The following SYCP1 variants were observed in gnomAD, a reference collection of about 807,000 sequenced individuals.
The protein encoded by SYCP1 is cancer/testis antigen 8.
Under a neutral mutation model 153.1 loss-of-function variants are expected in SYCP1, and 64 were observed. That is an observed-to-expected ratio of 0.42 (90% CI 0.34 to 0.51). The LOEUF is 0.51. Ranked by LOEUF, SYCP1 falls within the 20% of genes least tolerant of loss-of-function variation. The probability of loss-of-function intolerance (pLI) is 0.06; values close to 1 mark genes in which losing one functional copy is unlikely to be tolerated. For synonymous variants in SYCP1, 384 were observed against 341.8 expected (o/e 1.12, Z -1.36); for missense variants, 997 against 1,049.0 (o/e 0.95, Z 0.68).
chr1:114,962,688 G>A (rs1671857099), intron 27 of SYCP1, among the ~76,000 whole-genome samples: 1 of 152,014 alleles, frequency 6.6e-6, no homozygotes. Flanking sequence ...GAGATGTGAG[G>A]TACTCTTCCA....
chr1:114,895,555 A>G, intron 16 of SYCP1, 46 bp downstream of exon 16: 1 of 1,043,582 alleles, frequency 9.6e-7, no homozygotes, highest in Non-Finnish European at 1.4e-6. Context: ...ACTTTTCAGA[A>G]GAATATTGAA....
At position 114,944,410 on chromosome 1, in the gene SYCP1, A is replaced by G. The variant is rs1163690465; in HGVS notation, c.1998A>G (p.Lys666=). ...KFGEITDTYQ[K]EIEDKKISEE... ...GAGAAATCACAGACACCTATCAGAA[A>G]GAAATTGAGGACAAAAAGATATCAG... The change falls in exon 24 of 32, where the codon AAA becomes AAG. Residue 666 remains lysine, a synonymous_variant. Transcript: ENST00000369522. 7 of 1,606,170 alleles carry G rather than the reference A, an allele frequency of 4.4e-6. No individual in the cohort carries two copies. Among genetic ancestry groups the G allele is most frequent in the Middle Eastern group, 3.3e-4 (2 of 6,050 alleles).
chr1:114,870,606 G>A (rs1296691248), intron 8 of SYCP1, among the ~76,000 whole-genome samples: 2 of 152,128 alleles, frequency 1.3e-5, no homozygotes, highest in Non-Finnish European at 2.9e-5. Context: ...TTTTCTCCCA[G>A]TCTGTGGCTT....
chr1:114,860,033 C>A (rs755125746), intron 7 of SYCP1, among the ~76,000 whole-genome samples: 29 of 152,122 alleles, frequency 1.9e-4, no homozygotes, highest in Non-Finnish European at 2.9e-4. Context: ...TGTCAGGCAT[C>A]AGGAATAAAC....
intron 27 of SYCP1, among the ~76,000 whole-genome samples, chr1:114,971,723 A>T (rs1672499201): frequency 6.6e-6 from 1 of 152,110 alleles, no homozygotes; most frequent in African/African-American, 2.4e-5. Flanking sequence ...TATCACACTG[A>T]TTTATTTGTG....
intron 28 of SYCP1, among the ~76,000 whole-genome samples, chr1:114,979,349 A>T (rs943766284): frequency 6.6e-6 from 1 of 151,808 alleles, no homozygotes; most frequent in Non-Finnish European, 1.5e-5. Context: ...TGCTTGGGAC[A>T]TAGCACATGC....
chr1:114,987,832 A>T lies in SYCP1; in HGVS notation c.2703+2964A>T, dbSNP rs1673621417. On this transcript the variant is annotated intron_variant, in intron 30 of 31. Transcript: ENST00000369522. ...AAAGACTTCAAAACAGCTGTCTTAA[A>T]GTAGCTCAAATTGCTAAAGGAAGAC... is the stretch of plus-strand genomic sequence containing the variant. Among the ~76,000 whole-genome samples the T allele has an allele frequency of 6.6e-5, 10 of 152,088 alleles. 1 individual carries two copies. In the South Asian group the frequency reaches 2.1e-3, roughly 32 times the overall value.
In SYCP1 at chr1:114,940,258, G is replaced by A. The variant is rs966099802; in HGVS notation, c.1927-4081G>A. On this transcript the variant is annotated intron_variant, in intron 23 of 31. Coordinates refer to ENST00000369522, the MANE Select transcript of SYCP1 (RefSeq NM_003176.4). ...GATTACAGGCGTGTGCCTCCATGCC[G>A]GCTAATTTTTGTATTTTTAGTAGAG... Among the ~76,000 whole-genome samples the A allele has an allele frequency of 4.6e-5, 7 of 151,842 alleles. No individual in the cohort carries two copies. In the Middle Eastern group the frequency reaches 0.01, roughly 221 times the overall value.
At chr1:114,881,056 T>TATATACAC (rs375436670) in intron 12 of SYCP1, among the ~76,000 whole-genome samples, 17,710 of 144,804 alleles carry the variant, frequency 0.12, 1,340 homozygotes, top group Non-Finnish European at 0.16. Context: ...TTTGTGTATA[T>TATATACAC]ACACACACAC....
intron 28 of SYCP1, among the ~76,000 whole-genome samples, chr1:114,980,056 G>A (rs1430017818): frequency 6.6e-6 from 1 of 151,734 alleles, no homozygotes; most frequent in African/African-American, 2.4e-5. Flanking sequence ...GTTCTCAGAA[G>A]AACATGGTCC....
intron 15 of SYCP1, among the ~76,000 whole-genome samples, chr1:114,891,027 A>AT (rs1666672199): frequency 6.6e-6 from 1 of 152,080 alleles, no homozygotes. Flanking sequence ...ATCTTTATTC[A>AT]TCCCCCCTTG....
Position 114,946,372 on chromosome 1 carries a change from A to G in SYCP1, c.2238A>G (p.Arg746=), listed in dbSNP as rs766019885. 6.3e-7 allele frequency: 1 copy of G among 1,584,680 alleles called. No homozygotes were observed. The highest frequency in any genetic ancestry group is 8.6e-7 in the Non-Finnish European group (1 of 1,168,308). ...AAGAACAAGAACAGTCATCACTGAG[A>G]GCATCTTTGGTGAGATACAGAAAAA... ...KSKEQEQSSL[R]ASLEIELSNL... The change falls in exon 26 of 32, where the codon AGA becomes AGG. Residue 746 remains arginine, a synonymous_variant. Coordinates refer to ENST00000369522, the MANE Select transcript of SYCP1 (RefSeq NM_003176.4).
intron 27 of SYCP1, among the ~76,000 whole-genome samples, chr1:114,951,523 G>C (rs1380769106): frequency 2.0e-5 from 3 of 152,162 alleles, no homozygotes; most frequent in Non-Finnish European, 2.9e-5. Context: ...GAAGAAAACA[G>C]ACTGAAAAAC....
intron 27 of SYCP1, among the ~76,000 whole-genome samples, chr1:114,965,061 C>T (rs1672029399): frequency 6.6e-6 from 1 of 152,106 alleles, no homozygotes; most frequent in East Asian, 1.9e-4. Context: ...TGTCGTTCTC[C>T]TTGAAGAGGT....
At chr1:114,880,327 A>G (rs1362849804) in intron 12 of SYCP1, among the ~76,000 whole-genome samples, 1 of 152,054 alleles carries the variant, frequency 6.6e-6, no homozygotes, top group East Asian at 1.9e-4. Flanking sequence ...GGCAACCACT[A>G]TTTGATTTTC....
chr1:114,958,042 T>G (rs935472607), intron 27 of SYCP1, among the ~76,000 whole-genome samples: 2 of 152,216 alleles, frequency 1.3e-5, no homozygotes, highest in Non-Finnish European at 2.9e-5. Flanking sequence ...TAAGTGTTCA[T>G]TAACAAGTGA....
At position 114,925,138 on chromosome 1, in the gene SYCP1, T is replaced by G. The variant is rs1669175114; in HGVS notation, c.1801-1140T>G. 2.6e-5 allele frequency among the ~76,000 whole-genome samples: 4 copies of G among 152,086 alleles called. No individual in the cohort carries two copies. The South Asian group carries it at 8.3e-4, about 32-fold the overall frequency. On this transcript the variant is annotated intron_variant, in intron 21 of 31. Coordinates refer to ENST00000369522, the MANE Select transcript of SYCP1 (RefSeq NM_003176.4). ...ACATTCTTTAAATTATAACACATTT[T>G]CCTCCCTGAAAAGCTATTTTTCCTT...
intron 27 of SYCP1, among the ~76,000 whole-genome samples, chr1:114,970,742 G>T (rs181172843): frequency 5.2e-4 from 79 of 152,272 alleles, no homozygotes; most frequent in Non-Finnish European, 7.5e-4. Context: ...GAGTGTCTGT[G>T]AAGAGTACTA....
intron 27 of SYCP1, among the ~76,000 whole-genome samples, chr1:114,957,640 T>C (rs1671525104): frequency 1.3e-5 from 2 of 152,104 alleles, no homozygotes; most frequent in South Asian, 4.1e-4. Flanking sequence ...AAAACATTTC[T>C]CAAAAGAAGA....
Sources: allele counts gnomAD v4.1 joint callset (sites outside exome capture counted in the v4.1 genomes callset), GRCh38; gene constraint gnomAD v4.1.1; transcripts MANE v1.5; gene names NCBI Gene and HGNC (gene_info 2026-07-23, HGNC 2026-07-21).